The following ANKRD11 variants were observed in gnomAD, a reference collection of about 807,000 sequenced individuals.
The protein encoded by ANKRD11 is ankyrin repeat domain-containing protein 11.
ANKRD11 carries 17 observed loss-of-function variants against 195.7 expected under a neutral mutation model. The ratio of observed to expected loss-of-function variants is 0.09; its 90% CI spans 0.06 to 0.13. The LOEUF (loss-of-function observed/expected upper bound fraction) is 0.13, where lower values mean the gene tolerates loss of function less well. ANKRD11 is among the 10% of genes least tolerant of loss of function. ANKRD11 has a pLI of 1.00. For missense variants in ANKRD11, 3,735 were observed against 3,566.1 expected (o/e 1.05, Z -1.21); for synonymous variants, 1,953 against 1,528.1 (o/e 1.28, Z -6.49).
At position 89,469,267 on chromosome 16, in the gene ANKRD11, G is replaced by A. The variant is rs986751069; in HGVS notation, c.-145+20978C>T. 2.0e-5 allele frequency among the ~76,000 whole-genome samples: 3 copies of A among 152,158 alleles called. 1 individual carries two copies. The South Asian group carries it at 6.2e-4, about 32-fold the overall frequency. ...GATGGAGTCTCACTCTGTCGCCCAG[G>A]CTAGAGTGCTGTAGCGCAATCTTGG... On this transcript the variant is annotated intron_variant, in intron 1 of 12. Coordinates refer to ENST00000301030, the MANE Select transcript of ANKRD11 (RefSeq NM_013275.6).
intron 2 of ANKRD11, among the ~76,000 whole-genome samples, chr16:89,356,755 T>C (rs1396640144): frequency 7.8e-6 from 1 of 128,912 alleles, no homozygotes; most frequent in African/African-American, 3.0e-5. Context: ...CACTCTAGCC[T>C]GGGCGACACA....
chr16:89,374,720 G>C (rs1285733392), intron 2 of ANKRD11, among the ~76,000 whole-genome samples: 1 of 152,112 alleles, frequency 6.6e-6, no homozygotes, highest in Non-Finnish European at 1.5e-5. Context: ...GTAAGGACCA[G>C]AAAAAAACAG....
intron 1 of ANKRD11, among the ~76,000 whole-genome samples, chr16:89,485,154 C>T (rs1318293605): frequency 6.6e-6 from 1 of 152,126 alleles, no homozygotes; most frequent in South Asian, 2.1e-4. Flanking sequence ...ACTGAAAACC[C>T]TCTTAACCCT....
At chr16:89,419,866 C>G (rs902804506) in intron 1 of ANKRD11, among the ~76,000 whole-genome samples, 2 of 152,144 alleles carry the variant, frequency 1.3e-5, no homozygotes, top group African/African-American at 4.8e-5. Flanking sequence ...TGCCATTAAC[C>G]TCAAGGACCA....
intron 1 of ANKRD11, among the ~76,000 whole-genome samples, chr16:89,473,506 T>C (rs1223776637): frequency 1.3e-5 from 2 of 152,194 alleles, no homozygotes; most frequent in African/African-American, 4.8e-5. Context: ...AGCCTGATAG[T>C]ACCAGGGCAA....
chr16:89,418,936 G>C (rs1191430165), intron 1 of ANKRD11, among the ~76,000 whole-genome samples: 3 of 151,864 alleles, frequency 2.0e-5, no homozygotes, highest in Non-Finnish European at 2.9e-5. Flanking sequence ...ACCCCCGGCT[G>C]ATCTGGACCT....
intron 2 of ANKRD11, among the ~76,000 whole-genome samples, chr16:89,410,074 C>T (rs1402308138): frequency 6.6e-6 from 1 of 152,148 alleles, no homozygotes; most frequent in Non-Finnish European, 1.5e-5. Flanking sequence ...CTCCTGACCT[C>T]GTGATCCGCC....
chr16:89,474,789 A>G (rs1030818128), intron 1 of ANKRD11, among the ~76,000 whole-genome samples: 3 of 152,246 alleles, frequency 2.0e-5, no homozygotes, highest in African/African-American at 7.2e-5. Context: ...GCTGCCTTCA[A>G]GGTTACATAT....
intron 2 of ANKRD11, chr16:89,324,616 G>A (rs1052394790): frequency 2.1e-5 from 9 of 427,676 alleles, no homozygotes; most frequent in East Asian, 7.1e-5. Flanking sequence ...GCAGATCTGC[G>A]GAAGCACTGG....
Position 89,290,754 on chromosome 16 carries a change from T to C in ANKRD11, c.472A>G (p.Lys158Glu). 1 of 1,614,146 alleles carries C rather than the reference T, an allele frequency of 6.2e-7. No individual in the cohort carries two copies. Among genetic ancestry groups the C allele is most frequent in the Non-Finnish European group, 8.5e-7 (1 of 1,180,008 alleles). Residue 158 changes from lysine to glutamate, a missense_variant, in exon 6 of 13, where the codon AAA (lysine) becomes GAA (glutamate). Physicochemically the swap from Lys to Glu is moderately conservative, Grantham distance 56. Transcript: ENST00000301030. ...KGTPNSASKTKDKVNKRNERG... is the reference protein window; with the variant it reads ...KGTPNSASKTEDKVNKRNERG... ...TCGTTTCTCTTGTTCACTTTATCTT[T>C]GGTTTTTGAGGCAGAGTTGGGCGTT...
intron 3 of ANKRD11, among the ~76,000 whole-genome samples, chr16:89,316,393 C>T (rs894311504): frequency 3.9e-5 from 6 of 152,148 alleles, no homozygotes; most frequent in Middle Eastern, 3.2e-3. Context: ...CAGCAGCACC[C>T]GCCAATACTG....
intron 1 of ANKRD11, among the ~76,000 whole-genome samples, chr16:89,438,059 T>G (rs1227320677): frequency 1.3e-5 from 2 of 152,206 alleles, no homozygotes; most frequent in East Asian, 3.8e-4. Context: ...CAAGTGGCAG[T>G]GTCCCAAGGA....
chr16:89,420,503 A>AATCAGGTGAAAGTGAAAAAC lies in ANKRD11; in HGVS notation c.-144-2155_-144-2136dup, dbSNP rs1429367637. 13 of 152,340 alleles carry AATCAGGTGAAAGTGAAAAAC rather than the reference A, an allele frequency of 8.5e-5. 1 individual carries two copies. Among genetic ancestry groups the AATCAGGTGAAAGTGAAAAAC allele is most frequent in the Middle Eastern group, 3.4e-3 (1 of 294 alleles). The allele number at this position is 152,340 out of a possible 1,614,324, so 9.4% of individuals were successfully genotyped here. A position where few individuals can be genotyped will look rare whatever the true frequency, so the allele number is the denominator to read the frequency against. On this transcript the variant is annotated intron_variant, in intron 1 of 12. Coordinates refer to ENST00000301030, the MANE Select transcript of ANKRD11 (RefSeq NM_013275.6). ...CCCATGTATGAAGAAACTGGGCCCA[A>AATCAGGTGAAAGTGAAAAAC]ATCAGGTGAAAGTGAAAAACATCAG...
chr16:89,486,790 G>C (rs2057629287), intron 1 of ANKRD11, among the ~76,000 whole-genome samples: 1 of 152,190 alleles, frequency 6.6e-6, no homozygotes, highest in African/African-American at 2.4e-5. Context: ...TGGATCACTT[G>C]AGGTCAGGAG....
At chr16:89,326,993 G>T (rs1344003740) in intron 2 of ANKRD11, among the ~76,000 whole-genome samples, 1 of 151,786 alleles carries the variant, frequency 6.6e-6, no homozygotes, top group Non-Finnish European at 1.5e-5. Flanking sequence ...ATGCAGAGGT[G>T]GGGAATGCAG....
At chr16:89,326,777 CG>C (rs2037748043) in intron 2 of ANKRD11, among the ~76,000 whole-genome samples, 1 of 152,114 alleles carries the variant, frequency 6.6e-6, no homozygotes, top group Non-Finnish European at 1.5e-5. Context: ...AAAACACAAC[CG>C]GGGCATGAAA....
intron 2 of ANKRD11, among the ~76,000 whole-genome samples, chr16:89,415,126 T>C (rs977777285): frequency 6.6e-6 from 1 of 151,654 alleles, no homozygotes; most frequent in African/African-American, 2.4e-5. Flanking sequence ...GCTCATTTTT[T>C]TATTTTTTGT....
At position 89,434,892 on chromosome 16, in the gene ANKRD11, A is replaced by G. The variant is rs1262187611; in HGVS notation, c.-144-16524T>C. ...AACTGGTGAGACTGCACCAAGGCAC[A>G]AGAAAACCCACGACAAACTGAAGTG... On this transcript the variant is annotated intron_variant, in intron 1 of 12. Transcript: ENST00000301030. 2.0e-5 allele frequency among the ~76,000 whole-genome samples: 3 copies of G among 152,358 alleles called. No individual in the cohort carries two copies. The East Asian group carries it at 5.8e-4, about 29-fold the overall frequency.
At chr16:89,384,133 G>A (rs1421510750) in intron 2 of ANKRD11, among the ~76,000 whole-genome samples, 1 of 152,162 alleles carries the variant, frequency 6.6e-6, no homozygotes, top group African/African-American at 2.4e-5. Context: ...GGCAGGGAGA[G>A]TTGCTTGAAC....
Sources: allele counts gnomAD v4.1 joint callset (sites outside exome capture counted in the v4.1 genomes callset), GRCh38; gene constraint gnomAD v4.1.1; transcripts MANE v1.5; gene names NCBI Gene and HGNC (gene_info 2026-07-23, HGNC 2026-07-21).